The following SOD2 variants were observed in gnomAD, a reference collection of about 807,000 sequenced individuals.
SOD2 encodes the protein superoxide dismutase 2.
In SOD2, 11 loss-of-function variants were observed where a neutral mutation model predicts 27.0. The ratio of observed to expected loss-of-function variants is 0.41; its 90% CI spans 0.26 to 0.67. The LOEUF (loss-of-function observed/expected upper bound fraction) is 0.67. Ranked by LOEUF, SOD2 falls within the 30% of genes least tolerant of loss-of-function variation. The probability of loss-of-function intolerance (pLI) is 0.34; values close to 1 mark genes in which losing one functional copy is unlikely to be tolerated. For synonymous variants in SOD2, 105 were observed against 103.0 expected, an observed-to-expected ratio of 1.02 and a Z score of -0.12; for missense variants, 250 against 274.5, an observed-to-expected ratio of 0.91 and a Z score of 0.63.
intron 1 of SOD2, chr6:159,755,775 T>C (rs1779990352): frequency 9.8e-6 from 10 of 1,022,166 alleles, no homozygotes; most frequent in Middle Eastern, 3.7e-4. Flanking sequence ...CTTTTTTTTT[T>C]TTTTTTTTTT....
At chr6:159,700,674 A>C (rs1466546135) in intron 1 of SOD2, among the ~76,000 whole-genome samples, 5 of 150,986 alleles carry the variant, frequency 3.3e-5, no homozygotes, top group Admixed American at 6.6e-5. Context: ...AAAAAAATCA[A>C]TGCATTGTTA....
At chr6:159,739,144 T>C (rs1423331044) in intron 1 of SOD2, 2 of 946,140 alleles carry the variant, frequency 2.1e-6, no homozygotes, top group Non-Finnish European at 1.6e-6. Context: ...TTTTTAATGT[T>C]GTTCTATCCT....
intron 1 of SOD2, among the ~76,000 whole-genome samples, chr6:159,705,754 G>A (rs1165770418): frequency 6.6e-6 from 1 of 152,170 alleles, no homozygotes; most frequent in Non-Finnish European, 1.5e-5. Flanking sequence ...TCAAATTCAG[G>A]AAATACAGAG....
At position 159,684,985 on chromosome 6, in the gene SOD2, A is replaced by T; in HGVS notation, c.392T>A (p.Phe131Tyr). 6.2e-7 allele frequency: 1 copy of T among 1,612,986 alleles called. No homozygotes were observed. The highest frequency in any genetic ancestry group is 1.1e-5 in the South Asian group (1 of 90,904). Residue 131 changes from phenylalanine (F) to tyrosine (Y), a missense_variant, in exon 4 of 5, where the codon TTT (phenylalanine) becomes TAT (tyrosine). Physicochemically the swap from Phe to Tyr is conservative, Grantham distance 22. Coordinates refer to ENST00000538183, the MANE Select transcript of SOD2 (RefSeq NM_000636.4). ...IKRDFGSFDK[F>Y]KEKLTAASVG... is the part of the protein sequence containing the mutation. ...AGATGCAGCCGTCAGCTTCTCCTTA[A>T]ACTTGTCAAAGGAACCAAAGTCACG...
intron 2 of SOD2, among the ~76,000 whole-genome samples, chr6:159,690,202 G>A (rs2758338): frequency 0.43 from 64,677 of 149,370 alleles, 14,651 homozygotes; most frequent in Admixed American, 0.5. Context: ...CAGGAGAATT[G>A]CTTGAACCCA....
At position 159,671,762 on chromosome 6, in the gene SOD2, GAGA is replaced by G. The variant is rs1779670120; in HGVS notation, c.*10728_*10730del. On this transcript the variant is annotated 3_prime_UTR_variant, in exon 5 of 5. Coordinates refer to ENST00000538183, the MANE Select transcript of SOD2 (RefSeq NM_000636.4). ...ACGGAGAATGACTTTGACGAGTTGA[GAGA>G]AGAAGGCTTCAGATGATCAAACTTC... is the stretch of plus-strand genomic sequence containing the variant. 6.6e-6 allele frequency: 1 copy of G among 152,208 alleles called. No homozygotes were observed. The highest frequency in any genetic ancestry group is 1.5e-5 in the Non-Finnish European group (1 of 68,048). The allele number at this position is 152,208 out of a possible 1,614,324, so 9.4% of individuals were successfully genotyped here.
intron 1 of SOD2, among the ~76,000 whole-genome samples, chr6:159,706,095 C>T (rs1289968793): frequency 6.6e-6 from 1 of 152,114 alleles, no homozygotes; most frequent in Non-Finnish European, 1.5e-5. Context: ...CCAGGCCTGC[C>T]CTACAAGAGC....
At chr6:159,755,748 T>G (rs1339674026) in intron 1 of SOD2, 2 of 1,140,178 alleles carry the variant, frequency 1.8e-6, no homozygotes, top group African/African-American at 1.7e-5. Context: ...TTTTTTTCTT[T>G]GTTTTTTTTT....
chr6:159,716,970 G>A (rs1202180673), intron 1 of SOD2, among the ~76,000 whole-genome samples: 4 of 152,204 alleles, frequency 2.6e-5, no homozygotes, highest in East Asian at 1.9e-4. Flanking sequence ...CCCAGCAGAT[G>A]TTGGAAGGAG....
intron 1 of SOD2, 122 bp downstream of exon 1, chr6:159,693,023 C>G: frequency 1.4e-6 from 2 of 1,421,398 alleles, no homozygotes; most frequent in Non-Finnish European, 1.9e-6. Flanking sequence ...CCGGGAGAAC[C>G]GCCTGCAGGT....
At chr6:159,689,193 G>A (rs1294704213) in intron 2 of SOD2, among the ~76,000 whole-genome samples, 1 of 152,152 alleles carries the variant, frequency 6.6e-6, no homozygotes, top group Non-Finnish European at 1.5e-5. Flanking sequence ...CAACTTGGAT[G>A]TTCCCCTCAA....
At position 159,736,538 on chromosome 6, in the gene SOD2, G is replaced by A. The variant is rs190267912; in HGVS notation, c.-116+8592C>T. On this transcript the variant is annotated intron_variant, in intron 1 of 3. Coordinates refer to the SOD2 transcript ENST00000537657. ...ACTTTAGTTATAATAATATTCCCAT[G>A]GTCTACTCTTAATGTTCATTATGTG... is the stretch of plus-strand genomic sequence containing the variant. 1.1e-3 allele frequency: 426 copies of A among 370,762 alleles called. 2 individuals are homozygous for A. The highest frequency in any genetic ancestry group is 3.6e-3 in the South Asian group (57 of 15,790). The allele number at this position is 370,762 out of a possible 1,614,324, so 23.0% of individuals were successfully genotyped here. A position where few individuals can be genotyped will look rare whatever the true frequency, so the allele number is the denominator to read the frequency against.
At position 159,721,556 on chromosome 6, in the gene SOD2, C is replaced by T. The variant is rs375949485; in HGVS notation, c.-116+5573G>A. Among the ~76,000 whole-genome samples, 116 of 151,412 alleles carry T rather than the reference C, an allele frequency of 7.7e-4. No homozygotes were observed. The East Asian group carries it at 0.015, about 20-fold the overall frequency. The stretch of plus-strand genomic sequence containing the variant: ...GCTAATTTTGTATTTTTAGTAGAGA[C>T]GGGGTTTCTCCACGTTGGTCAGGCT... On this transcript the variant is annotated intron_variant, in intron 1 of 2. Coordinates refer to the SOD2 transcript ENST00000401980.
intron 1 of SOD2, among the ~76,000 whole-genome samples, chr6:159,700,441 T>C (rs150872032): frequency 6.6e-6 from 1 of 152,156 alleles, no homozygotes; most frequent in African/African-American, 2.4e-5. Flanking sequence ...GATCACAAGG[T>C]CAGGCGATCG....
At chr6:159,701,889 A>G (rs2758352) in intron 1 of SOD2, among the ~76,000 whole-genome samples, 116,032 of 152,052 alleles carry the variant, frequency 0.76, 44,675 homozygotes, top group South Asian at 0.85. Context: ...CCTTCTTGCC[A>G]GAGGATCACC....
At chr6:159,718,993 G>A (rs1231946650) in intron 1 of SOD2, among the ~76,000 whole-genome samples, 2 of 151,940 alleles carry the variant, frequency 1.3e-5, no homozygotes, top group Non-Finnish European at 2.9e-5. Flanking sequence ...CTGGATTTCT[G>A]GGTGCCAATA....
intron 1 of SOD2, among the ~76,000 whole-genome samples, chr6:159,735,316 T>A (rs1213484237): frequency 6.6e-6 from 1 of 152,170 alleles, no homozygotes; most frequent in African/African-American, 2.4e-5. Context: ...TTTTTTTAAT[T>A]TTTTGGTAGA....
chr6:159,674,767 AAATAAAGGGTATTC>A lies in SOD2; in HGVS notation c.*7712_*7725del, dbSNP rs1483944717. The A allele has an allele frequency of 2.0e-5, 3 of 152,220 alleles. No individual in the cohort carries two copies. Among genetic ancestry groups the A allele is most frequent in the Non-Finnish European group, 4.4e-5 (3 of 68,036 alleles). The allele number at this position is 152,220 out of a possible 1,614,324, so 9.4% of individuals were successfully genotyped here. ...GCCAGGGCCATCAGGCAGGAGAAAG[AAATAAAGGGTATTC>A]AATAAGGAAAAGAGGAAGTCAAATT... On this transcript the variant is annotated 3_prime_UTR_variant, in exon 5 of 5. Transcript: ENST00000538183.
At position 159,685,006 on chromosome 6, in the gene SOD2, T is replaced by A. The variant is rs530833676; in HGVS notation, c.371A>T (p.Asp124Val). Residue 124 changes from aspartate (D) to valine (V), a missense_variant, in exon 4 of 5, where the codon GAC becomes GTC. By Grantham distance (152) the Asp-to-Val change is radical. Transcript: ENST00000538183. ...KGELLEAIKR[D>V]FGSFDKFKEK... ...CTTAAACTTGTCAAAGGAACCAAAG[T>A]CACGTTTGATGGCTTCCAGCAACTC... is the stretch of plus-strand genomic sequence containing the variant. 13 of 1,608,754 alleles carry A rather than the reference T, an allele frequency of 8.1e-6. No individual in the cohort carries two copies. The highest frequency in any genetic ancestry group is 5.1e-5 in the Admixed American group (3 of 59,138).
Sources: allele counts gnomAD v4.1 joint callset (sites outside exome capture counted in the v4.1 genomes callset), GRCh38; gene constraint gnomAD v4.1.1; transcripts MANE v1.5; gene names NCBI Gene and HGNC (gene_info 2026-07-23, HGNC 2026-07-21).